Variants in SOX30 observed in about 807,000 individuals in gnomAD.
The protein encoded by SOX30 is transcription factor SOX-30.
In SOX30, 17 loss-of-function variants were observed where a neutral mutation model predicts 58.6. The ratio of observed to expected loss-of-function variants is 0.29; its 90% CI spans 0.20 to 0.44. The LOEUF is 0.44. SOX30 is among the 20% of genes least tolerant of loss of function. The pLI is 1.00. For synonymous variants in SOX30, 421 were observed against 400.2 expected (o/e 1.05, Z -0.62); for missense variants, 951 against 965.8 (o/e 0.98, Z 0.20).
chr5:157,639,482 G>C (rs929113733), intron 3 of SOX30, among the ~76,000 whole-genome samples: 5 of 152,046 alleles, frequency 3.3e-5, no homozygotes, highest in African/African-American at 1.2e-4. Context: ...ATTTCCAAGT[G>C]AGAACAGGAC....
At chr5:157,648,532 TA>T in intron 2 of SOX30, 124 bp downstream of exon 2, 3 of 831,394 alleles carry the variant, frequency 3.6e-6, no homozygotes, top group Non-Finnish European at 5.6e-6. Context: ...TATTAGTCAT[TA>T]TTCTCTTTAT....
intron 4 of SOX30, among the ~76,000 whole-genome samples, chr5:157,628,535 A>G (rs1045085581): frequency 2.6e-5 from 4 of 152,128 alleles, no homozygotes; most frequent in Non-Finnish European, 5.9e-5. Context: ...CATGTTAATT[A>G]TAACAAATGA....
At chr5:157,638,849 C>T (rs993577795) in intron 3 of SOX30, 127 bp from the exon 4 acceptor site, 1 of 798,716 alleles carries the variant, frequency 1.3e-6, no homozygotes, top group African/African-American at 1.7e-5. Context: ...ACTGCATCAT[C>T]ATATCAAACC....
Position 157,651,120 on chromosome 5 carries a change from G to A in SOX30, c.959C>T (p.Ser320Leu). 1 of 1,538,140 alleles carries A rather than the reference G, an allele frequency of 6.5e-7. No homozygotes were observed. Among genetic ancestry groups the A allele is most frequent in the South Asian group, 1.3e-5 (1 of 78,726 alleles). ...CCCCTGCTGTCTAATACCTGCATCT[G>A]AGGGCAACACGGTGAGCGGGACATC... ...TKDVPLTVLPSDAGIPDTPFS... is the reference protein window; with the variant it reads ...TKDVPLTVLPLDAGIPDTPFS... The change falls in exon 1 of 5, where the codon TCA becomes TTA. Residue 320 changes from serine to leucine, a missense_variant. Physicochemically the swap from Ser to Leu is moderately radical, Grantham distance 145. Transcript: ENST00000265007.
At chr5:157,650,495 T>A (rs1759301860) in intron 1 of SOX30, among the ~76,000 whole-genome samples, 1 of 152,184 alleles carries the variant, frequency 6.6e-6, no homozygotes, top group South Asian at 2.1e-4. Flanking sequence ...TTTGTACTTG[T>A]TACTGCTGCA....
In SOX30 at chr5:157,651,842, C is replaced by A; in HGVS notation, c.237G>T (p.Leu79Phe). The A allele has an allele frequency of 6.3e-7, 1 of 1,584,630 alleles. No individual in the cohort carries two copies. The highest frequency in any genetic ancestry group is 1.8e-5 in the Admixed American group (1 of 56,920). The change falls in exon 1 of 5, where the codon TTG becomes TTT. Residue 79 changes from leucine to phenylalanine, a missense_variant. Leu to Phe is a conservative substitution (Grantham distance 22). This residue lies in a region of SOX30 where 363 missense variants were observed against 294.5 expected (regional missense o/e 1.23). Coordinates refer to ENST00000265007, the MANE Select transcript of SOX30 (RefSeq NM_178424.2). ...TCTGGGCCTGAGGCTGTGGTAGCAG[C>A]AACACCTGCTCTGGCTTCACCTGCA... ...RLLQVKPEQV[L>F]LLPQPQAQNE...
At position 157,651,901 on chromosome 5, in the gene SOX30, C is replaced by T; in HGVS notation, c.178G>A (p.Ala60Thr). The T allele has an allele frequency of 1.3e-6, 2 of 1,526,988 alleles. No individual in the cohort carries two copies. Among genetic ancestry groups the T allele is most frequent in the Non-Finnish European group, 1.8e-6 (2 of 1,141,748 alleles). The allele number at this position is 1,526,988 out of a possible 1,614,324, so 94.6% of individuals were successfully genotyped here. Residue 60 changes from alanine to threonine, a missense_variant, in exon 1 of 5, where the codon GCG (alanine) becomes ACG (threonine). By Grantham distance (58) the Ala-to-Thr change is moderately conservative. Around this residue, in one of 7 missense-constraint regions of SOX30, gnomAD observed 363 missense variants for 294.5 expected, o/e 1.23. Coordinates refer to ENST00000265007, the MANE Select transcript of SOX30 (RefSeq NM_178424.2). Reference protein sequence around the residue: ...TLASSCGEAVASGLQPAVRRL... With the variant: ...TLASSCGEAVTSGLQPAVRRL... Reference sequence around the variant, plus strand: ...CGCACCGCGGGCTGTAAGCCGGACGCCACTGCCTCCCCGCACGACGAGGCC... The same window carrying T: ...CGCACCGCGGGCTGTAAGCCGGACGTCACTGCCTCCCCGCACGACGAGGCC...
intron 3 of SOX30, among the ~76,000 whole-genome samples, chr5:157,643,458 A>T (rs958688231): frequency 2.6e-5 from 4 of 151,914 alleles, no homozygotes; most frequent in African/African-American, 7.2e-5. Context: ...AAATTTTTTT[A>T]AAAAACCTCA....
upstream of SOX30, among the ~76,000 whole-genome samples, chr5:157,652,622 T>C (rs77407599): frequency 0.088 from 13,453 of 152,302 alleles, 759 homozygotes; most frequent in South Asian, 0.13. Flanking sequence ...TTGCAACTTA[T>C]CAATAACCTA....
At chr5:157,670,009 G>T (rs1477669274) in intron 1 of SOX30, among the ~76,000 whole-genome samples, 1 of 152,200 alleles carries the variant, frequency 6.6e-6, no homozygotes, top group Non-Finnish European at 1.5e-5. Context: ...TGAAGGGCAA[G>T]GAAAAAGCCT....
At position 157,664,538 on chromosome 5, in the gene SOX30, G is replaced by A. The variant is rs4612043; in HGVS notation, c.52+3260C>T. ...CCATTCAGGACATAGGCGTGGGCAAGGACTTCATGTCTAAACACCAAAACA... is the reference window on the plus strand; with the variant it reads ...CCATTCAGGACATAGGCGTGGGCAAAGACTTCATGTCTAAACACCAAAACA... On this transcript the variant is annotated intron_variant, in intron 2 of 5. Coordinates refer to the SOX30 transcript ENST00000519442. Among the ~76,000 whole-genome samples, 551 of 152,294 alleles carry A rather than the reference G, an allele frequency of 3.6e-3. 2 individuals are homozygous for A. Among genetic ancestry groups the A allele is most frequent in the African/African-American group, 0.013 (529 of 41,552 alleles).
At chr5:157,631,764 C>CAAAA (rs70984477) in intron 4 of SOX30, among the ~76,000 whole-genome samples, 2 of 84,660 alleles carry the variant, frequency 2.4e-5, no homozygotes, top group Admixed American at 1.4e-4. Context: ...GAACTCGTCT[C>CAAAA]AAAAAAAAAA....
intron 3 of SOX30, among the ~76,000 whole-genome samples, chr5:157,643,165 T>A (rs887936932): frequency 6.6e-6 from 1 of 152,032 alleles, no homozygotes; most frequent in Non-Finnish European, 1.5e-5. Flanking sequence ...GGCTCACACC[T>A]GCAATCTCAG....
upstream of SOX30, among the ~76,000 whole-genome samples, chr5:157,657,360 A>G (rs946085689): frequency 6.6e-6 from 1 of 152,194 alleles, no homozygotes; most frequent in African/African-American, 2.4e-5. Flanking sequence ...TGGCTGTCCT[A>G]AGACTTTTTG....
At chr5:157,652,690 C>G (rs1007867282), upstream of SOX30, among the ~76,000 whole-genome samples, 6 of 152,212 alleles carry the variant, frequency 3.9e-5, no homozygotes, top group African/African-American at 1.2e-4. Context: ...GCTAAAGTTT[C>G]AATTAATCAC....
rs780788334 is a variant in SOX30 at position 157,638,518 on chromosome 5, G to T, written c.1592C>A (p.Thr531Asn). 19 of 1,614,226 alleles carry T rather than the reference G, an allele frequency of 1.2e-5. No homozygotes were observed. The Admixed American group carries it at 3.2e-4, about 27-fold the overall frequency. The change falls in exon 4 of 5, where the codon ACT becomes AAT. Residue 531 changes from threonine (T) to asparagine (N), a missense_variant. Coordinates refer to ENST00000265007, the MANE Select transcript of SOX30 (RefSeq NM_178424.2). ...THQLHSEATHTVKQPTPVSLE... is the reference protein window; with the variant it reads ...THQLHSEATHNVKQPTPVSLE... ...AGAGACAGGAGTGGGTTGCTTCACAGTGTGAGTGGCTTCAGAATGCAGCTG... is the reference window on the plus strand; with the variant it reads ...AGAGACAGGAGTGGGTTGCTTCACATTGTGAGTGGCTTCAGAATGCAGCTG...
intron 1 of SOX30, among the ~76,000 whole-genome samples, chr5:157,671,156 T>C (rs938341006): frequency 2.6e-5 from 4 of 152,286 alleles, no homozygotes; most frequent in African/African-American, 7.2e-5. Context: ...CCCAGCACTT[T>C]GGTTTCCATA....
intron 4 of SOX30, among the ~76,000 whole-genome samples, chr5:157,631,047 T>TTATATA (rs755427047): frequency 9.9e-4 from 53 of 53,276 alleles, no homozygotes; most frequent in Middle Eastern, 9.3e-3. Flanking sequence ...TATATATATT[T>TTATATA]TATATATATA....
chr5:157,630,903 A>T (rs868831173), intron 4 of SOX30, among the ~76,000 whole-genome samples: 156 of 135,178 alleles, frequency 1.2e-3, no homozygotes, highest in African/African-American at 2.9e-3. Flanking sequence ...TATATATATA[A>T]AAAATATATA....
Sources: allele counts gnomAD v4.1 joint callset (sites outside exome capture counted in the v4.1 genomes callset), GRCh38; gene constraint gnomAD v4.1.1; regional missense constraint gnomAD v4.1.1; transcripts MANE v1.5; gene names NCBI Gene and HGNC (gene_info 2026-07-23, HGNC 2026-07-21).